Variants in PHLDB2 observed in about 807,000 individuals in gnomAD.
The protein encoded by PHLDB2 is pleckstrin homology like domain family B member 2.
PHLDB2 carries 71 observed loss-of-function variants against 123.6 expected under a neutral mutation model. That is an observed-to-expected ratio of 0.57 (90% CI 0.47 to 0.70). The LOEUF is 0.70. Among genes scored for constraint, PHLDB2 ranks in the 30% least tolerant of loss-of-function variants. PHLDB2 has a pLI of 0.00. For synonymous variants in PHLDB2, 547 were observed against 541.6 expected, an observed-to-expected ratio of 1.01 and a Z score of -0.14; for missense variants, 1,446 against 1,519.5, an observed-to-expected ratio of 0.95 and a Z score of 0.80.
chr3:111,959,985 C>T (rs1402205483), intron 12 of PHLDB2, among the ~76,000 whole-genome samples: 1 of 152,194 alleles, frequency 6.6e-6, no homozygotes, highest in Non-Finnish European at 1.5e-5. Context: ...TTTCATACTA[C>T]AAGGAAATAT....
chr3:111,770,357 T>G (rs2060154006), intron 1 of PHLDB2, among the ~76,000 whole-genome samples: 1 of 152,254 alleles, frequency 6.6e-6, no homozygotes, highest in Non-Finnish European at 1.5e-5. Context: ...TATTTCCCTT[T>G]CCTTAGAGAC....
intron 1 of PHLDB2, among the ~76,000 whole-genome samples, chr3:111,804,489 A>G (rs1212866481): frequency 6.6e-6 from 1 of 152,252 alleles, no homozygotes; most frequent in African/African-American, 2.4e-5. Flanking sequence ...GCAAAAAAGT[A>G]AATGATGATG....
intron 5 of PHLDB2, among the ~76,000 whole-genome samples, chr3:111,921,171 C>T (rs1033733984): frequency 2.0e-5 from 3 of 152,084 alleles, no homozygotes; most frequent in Non-Finnish European, 2.9e-5. Context: ...TTTTTTTCCT[C>T]TGGGAAATAT....
At chr3:111,909,408 C>A (rs940345563) in intron 2 of PHLDB2, among the ~76,000 whole-genome samples, 3 of 152,048 alleles carry the variant, frequency 2.0e-5, no homozygotes, top group African/African-American at 7.2e-5. Context: ...CCAGCCTGTG[C>A]AACATAGCAA....
intron 1 of PHLDB2, among the ~76,000 whole-genome samples, chr3:111,866,546 G>C (rs1291922807): frequency 6.6e-6 from 1 of 152,138 alleles, no homozygotes; most frequent in East Asian, 1.9e-4. Flanking sequence ...AGTAGTGTGG[G>C]ATGGGGCAGG....
intron 2 of PHLDB2, among the ~76,000 whole-genome samples, chr3:111,888,229 T>C (rs999863893): frequency 1.3e-5 from 2 of 152,112 alleles, no homozygotes; most frequent in Non-Finnish European, 2.9e-5. Context: ...GAGAAATTTT[T>C]AGGGGCACAG....
At chr3:111,805,222 C>A (rs933858976) in intron 1 of PHLDB2, among the ~76,000 whole-genome samples, 1 of 152,052 alleles carries the variant, frequency 6.6e-6, no homozygotes, top group African/African-American at 2.4e-5. Flanking sequence ...TAGCCAAGAA[C>A]AAATTATGAT....
chr3:111,741,897 G>A (rs955461340), intron 1 of PHLDB2, among the ~76,000 whole-genome samples: 1 of 152,096 alleles, frequency 6.6e-6, no homozygotes, highest in Non-Finnish European at 1.5e-5. Context: ...GATGTCTTCA[G>A]GTAATTCTTA....
intron 3 of PHLDB2, chr3:111,917,763 A>G (rs960677818): frequency 2.6e-5 from 4 of 152,262 alleles, no homozygotes. Context: ...AATAAAGAAT[A>G]TAAATATGAA....
intron 2 of PHLDB2, among the ~76,000 whole-genome samples, chr3:111,848,101 T>C (rs569964747): frequency 2.0e-5 from 3 of 152,134 alleles, no homozygotes; most frequent in Non-Finnish European, 4.4e-5. Context: ...CCTTCCCCCG[T>C]GTACATTCCT....
chr3:111,929,188 C>T (rs2107561058), intron 5 of PHLDB2, among the ~76,000 whole-genome samples: 1 of 152,242 alleles, frequency 6.6e-6, no homozygotes, highest in East Asian at 1.9e-4. Context: ...ATCACTTGAT[C>T]CTAAGAGTTA....
intron 9 of PHLDB2, chr3:111,945,577 ATGTGTGTGTT>A (rs1042227069): frequency 2.8e-5 from 15 of 536,298 alleles, no homozygotes; most frequent in African/African-American, 2.5e-4. Context: ...GTGTATGTGT[ATGTGTGTGTT>A]TGTGTGTGTG....
chr3:111,902,248 G>A (rs2067245423), intron 2 of PHLDB2, among the ~76,000 whole-genome samples: 1 of 152,166 alleles, frequency 6.6e-6, no homozygotes. Context: ...AAAGTTAATA[G>A]GATTAATTAA....
chr3:111,927,963 A>T (rs1011786643), intron 5 of PHLDB2, among the ~76,000 whole-genome samples: 1 of 152,258 alleles, frequency 6.6e-6, no homozygotes, highest in Non-Finnish European at 1.5e-5. Context: ...CTAGCAGAAT[A>T]AGTAGTCTTT....
intron 5 of PHLDB2, among the ~76,000 whole-genome samples, chr3:111,922,340 G>A (rs1223644071): frequency 6.6e-6 from 1 of 152,128 alleles, no homozygotes; most frequent in Non-Finnish European, 1.5e-5. Context: ...CACTTCCCAG[G>A]GAAAGTTATC....
intron 1 of PHLDB2, among the ~76,000 whole-genome samples, chr3:111,807,898 A>G (rs982875997): frequency 6.0e-5 from 9 of 151,200 alleles, no homozygotes; most frequent in Admixed American, 4.6e-4. Flanking sequence ...TTAACTGAAC[A>G]TTGCTTTATT....
chr3:111,886,458 T>C (rs1001866621), intron 2 of PHLDB2, among the ~76,000 whole-genome samples: 2 of 151,926 alleles, frequency 1.3e-5, no homozygotes, highest in African/African-American at 4.8e-5. Context: ...CTTTTTTTTT[T>C]TTAAGCTCAT....
intron 8 of PHLDB2, among the ~76,000 whole-genome samples, chr3:111,944,219 A>T (rs960732687): frequency 6.6e-6 from 1 of 152,204 alleles, no homozygotes; most frequent in African/African-American, 2.4e-5. Context: ...AATCAGAACA[A>T]TGCTTGCTCA....
At chr3:111,785,985 G>T (rs568493981) in intron 1 of PHLDB2, among the ~76,000 whole-genome samples, 35 of 152,134 alleles carry the variant, frequency 2.3e-4, no homozygotes, top group Admixed American at 2.3e-3. Context: ...ATTGGCATTT[G>T]GCACATTAAA....
Sources: gnomAD v4.1 joint callset for allele counts (sites outside exome capture counted in the v4.1 genomes callset) on GRCh38, gnomAD v4.1.1 for gene constraint, MANE v1.5 for transcripts, NCBI Gene and HGNC (gene_info 2026-07-23, HGNC 2026-07-21) for gene names.